Variants in STPG1 observed in about 807,000 individuals in gnomAD.
STPG1 encodes the protein O(6)-methylguanine-induced apoptosis 2.
In STPG1, 33 loss-of-function variants were observed where a neutral mutation model predicts 40.1. The observed-to-expected ratio is 0.82, with a 90% confidence interval of 0.62 to 1.10. The LOEUF (loss-of-function observed/expected upper bound fraction) is 1.10. Ranked by LOEUF, STPG1 falls within the 50% of genes least tolerant of loss-of-function variation. The pLI is 0.00. For missense variants in STPG1, 396 were observed against 415.1 expected, an observed-to-expected ratio of 0.95 and a Z score of 0.40; for synonymous variants, 150 against 155.0, an observed-to-expected ratio of 0.97 and a Z score of 0.24.
intron 3 of STPG1, among the ~76,000 whole-genome samples, chr1:24,390,734 A>G (rs1642731270): frequency 7.5e-6 from 1 of 133,138 alleles, no homozygotes; most frequent in African/African-American, 2.7e-5. Context: ...CACATTGTTT[A>G]AGGAAGTTTT....
At chr1:24,376,008 A>T (rs1642004916) in intron 5 of STPG1, among the ~76,000 whole-genome samples, 1 of 152,124 alleles carries the variant, frequency 6.6e-6, no homozygotes, top group African/African-American at 2.4e-5. Flanking sequence ...GAGAATATGA[A>T]AGAAATTGCA....
At chr1:24,406,258 A>G (rs1643411766) in intron 1 of STPG1, among the ~76,000 whole-genome samples, 1 of 152,108 alleles carries the variant, frequency 6.6e-6, no homozygotes, top group African/African-American at 2.4e-5. Context: ...TTAATTTATC[A>G]CAGTCAAACA....
Position 24,358,242 on chromosome 1 carries a change from C to T in STPG1, c.*301G>A, listed in dbSNP as rs1019083370. On this transcript the variant is annotated 3_prime_UTR_variant, in exon 9 of 9. Coordinates refer to ENST00000337248, the MANE Select transcript of STPG1 (RefSeq NM_001199013.2). ...TTCAGTCTGCGGCAGGGAGTCGTGCCGGAAGGCAGCCTGGATGGGTGCGTG... is the reference window on the plus strand; with the variant it reads ...TTCAGTCTGCGGCAGGGAGTCGTGCTGGAAGGCAGCCTGGATGGGTGCGTG... 1.5e-5 allele frequency: 9 copies of T among 606,276 alleles called. No homozygotes were observed. The highest frequency in any genetic ancestry group is 4.2e-5 in the Admixed American group (2 of 47,062). 37.6% of individuals were successfully genotyped at this position (606,276 alleles called of 1,614,324 possible). A position where few individuals can be genotyped will look rare whatever the true frequency, so the allele number is the denominator to read the frequency against.
At chr1:24,390,440 ATGGAG>A (rs771726739) in intron 3 of STPG1, among the ~76,000 whole-genome samples, 7 of 152,088 alleles carry the variant, frequency 4.6e-5, no homozygotes, top group Non-Finnish European at 8.8e-5. Flanking sequence ...TGATTTTGAG[ATGGAG>A]TCTCATTCTG....
At chr1:24,404,484 A>T (rs1643342513) in intron 1 of STPG1, among the ~76,000 whole-genome samples, 1 of 152,160 alleles carries the variant, frequency 6.6e-6, no homozygotes, top group South Asian at 2.1e-4. Context: ...AATTTCTGGC[A>T]CAGTTTGCGT....
Position 24,359,473 on chromosome 1 carries a change from A to G in STPG1, c.929-854T>C, listed in dbSNP as rs1472147127. ...GACTGACTAGATGAGCCCCAGATCA[A>G]ACCTCTACAGCCTTGCTGGTGTGAT... On this transcript the variant is annotated intron_variant, in intron 8 of 8. Transcript: ENST00000337248. This position sits in a 1 kb window ranked among gnomAD's most constrained non-coding sequence, Gnocchi z 5.3. Among the ~76,000 whole-genome samples, 3 of 152,200 alleles carry G rather than the reference A, an allele frequency of 2.0e-5. No homozygotes were observed.
At chr1:24,375,868 G>A (rs969433584) in intron 5 of STPG1, among the ~76,000 whole-genome samples, 4 of 152,212 alleles carry the variant, frequency 2.6e-5, no homozygotes, top group African/African-American at 9.6e-5. Context: ...ATGGGGCCAG[G>A]AAAATATTCA....
In STPG1 at chr1:24,357,857, G is replaced by A; in HGVS notation, c.*686C>T. 1.3e-5 allele frequency: 4 copies of A among 307,848 alleles called. No individual in the cohort carries two copies. The highest frequency in any genetic ancestry group is 1.3e-4 in the South Asian group (4 of 31,954). 19.1% of individuals were successfully genotyped at this position (307,848 alleles called of 1,614,324 possible). A position where few individuals can be genotyped will look rare whatever the true frequency, so the allele number is the denominator to read the frequency against. On this transcript the variant is annotated 3_prime_UTR_variant, in exon 9 of 9. Coordinates refer to ENST00000337248, the MANE Select transcript of STPG1 (RefSeq NM_001199013.2). ...TTGAGAAAATTCAGTCCCGCCAGCA[G>A]AGAAAGTCAGGGAAAAGCGCAGCCC...
intron 1 of STPG1, among the ~76,000 whole-genome samples, chr1:24,411,132 T>A (rs1183463005): frequency 1.3e-5 from 2 of 152,220 alleles, no homozygotes; most frequent in Non-Finnish European, 2.9e-5. Context: ...ATTAACAACT[T>A]AAAATAATAG....
intron 3 of STPG1, among the ~76,000 whole-genome samples, chr1:24,386,017 G>A (rs989244089): frequency 2.0e-5 from 3 of 152,212 alleles, no homozygotes; most frequent in African/African-American, 7.2e-5. Flanking sequence ...CCATCAGTTT[G>A]CAAGAATTTT....
At chr1:24,391,910 G>T (rs1642790161) in intron 2 of STPG1, 3 of 1,266,846 alleles carry the variant, frequency 2.4e-6, no homozygotes, top group Middle Eastern at 3.1e-4. Flanking sequence ...GTGAGATGTG[G>T]TCACATAAAG....
At position 24,399,349 on chromosome 1, in the gene STPG1, T is replaced by C. The variant is rs1643127069; in HGVS notation, c.70+1970A>G. Among the ~76,000 whole-genome samples, 1 of 152,130 alleles carries C rather than the reference T, an allele frequency of 6.6e-6. No homozygotes were observed. Among genetic ancestry groups the C allele is most frequent in the Admixed American group, 6.6e-5 (1 of 15,256 alleles). On this transcript the variant is annotated intron_variant, in intron 2 of 8. Coordinates refer to ENST00000337248, the MANE Select transcript of STPG1 (RefSeq NM_001199013.2). This position sits in a 1 kb window ranked among gnomAD's most constrained non-coding sequence, Gnocchi z 4.0. Reference sequence around the variant, plus strand: ...GAATGAGCAGCCTTTCAATAAATGGTGCTGGGTCAACATGGAAAACAACAG... The same window carrying C: ...GAATGAGCAGCCTTTCAATAAATGGCGCTGGGTCAACATGGAAAACAACAG...
chr1:24,381,023 T>C (rs1410472354), intron 4 of STPG1, among the ~76,000 whole-genome samples: 1 of 152,166 alleles, frequency 6.6e-6, no homozygotes, highest in Non-Finnish European at 1.5e-5. Flanking sequence ...TTGTGTTGAA[T>C]CCTCAGGACA....
chr1:24,391,561 C>G lies in STPG1; in HGVS notation c.189G>C (p.Lys63Asn), dbSNP rs1010495514. 6.6e-7 allele frequency: 1 copy of G among 1,514,534 alleles called. No homozygotes were observed. The highest frequency in any genetic ancestry group is 9.0e-7 in the Non-Finnish European group (1 of 1,115,042). 93.8% of individuals were successfully genotyped at this position (1,514,534 alleles called of 1,614,324 possible). A position where few individuals can be genotyped will look rare whatever the true frequency, so the allele number is the denominator to read the frequency against. ...AGAACCCCTGAGACAACGTCATTAC[C>G]TTCTTATGAGGAAATCTCTTGGCTT... ...NSQAKRFPHK[K>N]NDIPGPGFYN... is the part of the protein sequence containing the mutation. The change falls in exon 3 of 9, where the codon AAG becomes AAC. Residue 63 changes from lysine to asparagine, a missense_variant and splice_region_variant. Transcript: ENST00000337248.
chr1:24,407,637 C>T (rs1643467352), intron 1 of STPG1, among the ~76,000 whole-genome samples: 1 of 151,980 alleles, frequency 6.6e-6, no homozygotes, highest in Non-Finnish European at 1.5e-5. Context: ...GGGGTTTCAC[C>T]ATCTTGGCCA....
intron 3 of STPG1, among the ~76,000 whole-genome samples, chr1:24,384,504 C>A (rs1161239472): frequency 2.0e-5 from 3 of 152,160 alleles, no homozygotes; most frequent in African/African-American, 7.2e-5. Context: ...AACCTTCAAC[C>A]CAAACCAGGC....
At chr1:24,380,596 A>C (rs1189423407) in intron 4 of STPG1, among the ~76,000 whole-genome samples, 7 of 152,228 alleles carry the variant, frequency 4.6e-5, no homozygotes, top group Non-Finnish European at 1.0e-4. Context: ...GATAGGAATC[A>C]ATAACTACAC....
intron 2 of STPG1, 75 bp downstream of exon 2, chr1:24,401,244 C>A (rs1342701987): frequency 1.5e-6 from 2 of 1,320,062 alleles, no homozygotes; most frequent in Non-Finnish European, 2.2e-6. Flanking sequence ...ACTTACTATT[C>A]CCCCCAAATT....
At chr1:24,401,715 G>A (rs957357325) in intron 1 of STPG1, among the ~76,000 whole-genome samples, 2 of 152,006 alleles carry the variant, frequency 1.3e-5, no homozygotes, top group East Asian at 1.9e-4. Flanking sequence ...TTTTTGATAC[G>A]GAGTTTTGCT....
Sources: allele counts gnomAD v4.1 joint callset (sites outside exome capture counted in the v4.1 genomes callset), GRCh38; gene constraint gnomAD v4.1.1; non-coding constraint Gnocchi (gnomAD v3.1); transcripts MANE v1.5; gene names NCBI Gene and HGNC (gene_info 2026-07-23, HGNC 2026-07-21).